The following TENM3 variants were observed in gnomAD, a reference collection of about 807,000 sequenced individuals.
TENM3 encodes teneurin-3.
Under a neutral mutation model 255.1 loss-of-function variants are expected in TENM3, and 63 were observed. The ratio of observed to expected loss-of-function variants is 0.25; its 90% confidence interval spans 0.20 to 0.30. TENM3 has a LOEUF of 0.30. Ranked by LOEUF, TENM3 falls within the 10% of genes least tolerant of loss-of-function variation. The pLI is 1.00. For missense variants in TENM3, 2,929 were observed against 3,461.1 expected (o/e 0.85, Z 3.86); for synonymous variants, 1,306 against 1,322.3 (o/e 0.99, Z 0.27).
chr4:182,390,981 A>C (rs1768386925), intron 3 of TENM3, among the ~76,000 whole-genome samples: 1 of 152,106 alleles, frequency 6.6e-6, no homozygotes, highest in South Asian at 2.1e-4. Flanking sequence ...CATTTAATAG[A>C]ATAGCTGTTA....
intron 2 of TENM3, among the ~76,000 whole-genome samples, chr4:182,337,094 C>A (rs1328368977): frequency 6.6e-6 from 1 of 152,030 alleles, no homozygotes; most frequent in African/African-American, 2.4e-5. Context: ...TAGAAAACCG[C>A]AGTAAAAAGC....
At chr4:182,093,883 A>G in the TENM3 span, among the ~76,000 whole-genome samples, 1 of 152,222 alleles carries the variant, frequency 6.6e-6, no homozygotes, top group Admixed American at 6.5e-5. Flanking sequence ...TTAAAATCAA[A>G]AAGGAAAAAT....
At chr4:181,755,076 T>C in the TENM3 span, among the ~76,000 whole-genome samples, 1 of 152,284 alleles carries the variant, frequency 6.6e-6, no homozygotes, top group Non-Finnish European at 1.5e-5. Context: ...ACCAGTTGCT[T>C]GGGCAATTTT....
the TENM3 span, among the ~76,000 whole-genome samples, chr4:181,475,891 T>G: frequency 1.6e-4 from 25 of 152,218 alleles, no homozygotes; most frequent in Non-Finnish European, 1.5e-5. Flanking sequence ...GTTCTCCTTT[T>G]CCTTGGCTCT....
chr4:182,503,452 G>A (rs1305181220), intron 3 of TENM3, among the ~76,000 whole-genome samples: 1 of 152,068 alleles, frequency 6.6e-6, no homozygotes, highest in Non-Finnish European at 1.5e-5. Context: ...ACATACTTCT[G>A]CTGCAGGGTC....
the TENM3 span, among the ~76,000 whole-genome samples, chr4:181,550,562 G>A: frequency 6.6e-6 from 1 of 152,102 alleles, no homozygotes; most frequent in African/African-American, 2.4e-5. Context: ...TGACACTGAT[G>A]CACTGATATA....
chr4:182,594,284 C>T (rs1746963143), intron 3 of TENM3, among the ~76,000 whole-genome samples: 2 of 152,260 alleles, frequency 1.3e-5, no homozygotes, highest in South Asian at 2.1e-4. Context: ...GGATTACAGG[C>T]GTGAACCACT....
chr4:181,542,997 A>G, the TENM3 span, among the ~76,000 whole-genome samples: 17 of 152,252 alleles, frequency 1.1e-4, no homozygotes, highest in Middle Eastern at 3.4e-3. Context: ...TTCTCTGTCT[A>G]TTCCAGCCAA....
intron 1 of TENM3, among the ~76,000 whole-genome samples, chr4:182,221,896 T>G (rs1755871887): frequency 6.6e-6 from 1 of 152,236 alleles, no homozygotes; most frequent in Non-Finnish European, 1.5e-5. Flanking sequence ...TTGACAGTTC[T>G]TTATGCTTTT....
In TENM3 at chr4:182,609,822, G is replaced by A. The variant is rs180986483; in HGVS notation, c.749+8661G>A. Among the ~76,000 whole-genome samples, 435 of 98,372 alleles carry A rather than the reference G, an allele frequency of 4.4e-3. 1 individual carries two copies. The highest frequency in any genetic ancestry group is 0.012 in the African/African-American group (421 of 35,768). 64.5% of individuals were successfully genotyped at this position (98,372 alleles called of 152,430 possible). ...GTAATACTTCACAACGACTTTATAA[G>A]GGTTCCTTAAGATGTCATGTGAAGT... On this transcript the variant is annotated intron_variant, in intron 4 of 27. Coordinates refer to ENST00000511685, the MANE Select transcript of TENM3 (RefSeq NM_001080477.4).
At chr4:181,822,453 A>G in the TENM3 span, among the ~76,000 whole-genome samples, 1 of 152,118 alleles carries the variant, frequency 6.6e-6, no homozygotes, top group Non-Finnish European at 1.5e-5. Flanking sequence ...TTATTTAAGG[A>G]GAGAGTGTTA....
chr4:182,444,948 C>A (rs1278550766), intron 3 of TENM3, among the ~76,000 whole-genome samples: 1 of 152,108 alleles, frequency 6.6e-6, no homozygotes, highest in Non-Finnish European at 1.5e-5. Flanking sequence ...GCTGGGATTA[C>A]AGGGGGATGC....
intron 1 of TENM3, among the ~76,000 whole-genome samples, chr4:182,279,011 G>A (rs939556485): frequency 2.0e-5 from 3 of 152,220 alleles, no homozygotes; most frequent in East Asian, 1.9e-4. Context: ...ACACCAGGTC[G>A]GGGCAGGGGC....
At chr4:181,574,345 C>A in the TENM3 span, among the ~76,000 whole-genome samples, 2 of 151,860 alleles carry the variant, frequency 1.3e-5, no homozygotes, top group South Asian at 4.2e-4. Flanking sequence ...TCCTGGCTAA[C>A]AAGGTGAAAC....
chr4:182,377,783 A>C (rs1276589476), intron 3 of TENM3, among the ~76,000 whole-genome samples: 1 of 152,170 alleles, frequency 6.6e-6, no homozygotes, highest in Non-Finnish European at 1.5e-5. Flanking sequence ...CATTATGGGA[A>C]AGCAAGAGAG....
At chr4:181,997,574 T>C in the TENM3 span, among the ~76,000 whole-genome samples, 1 of 144,256 alleles carries the variant, frequency 6.9e-6, no homozygotes, top group Non-Finnish European at 1.5e-5. Context: ...GGAAACTGAA[T>C]TGATGCATTT....
chr4:181,649,599 A>G, the TENM3 span, among the ~76,000 whole-genome samples: 1 of 152,192 alleles, frequency 6.6e-6, no homozygotes, highest in East Asian at 1.9e-4. Flanking sequence ...CATTATGGGA[A>G]CCCAAATGGA....
At position 182,376,394 on chromosome 4, in the gene TENM3, C is replaced by T. The variant is rs116258476; in HGVS notation, c.511+29465C>T. ...TCTGCTCCATCTTGTGACTAATTGT[C>T]GACAGTTACTCAGTGCCACCACATT... On this transcript the variant is annotated intron_variant, in intron 3 of 27. Transcript: ENST00000511685. Among the ~76,000 whole-genome samples the T allele has an allele frequency of 1.4e-3, 206 of 152,218 alleles. 2 individuals are homozygous for T. Among genetic ancestry groups the T allele is most frequent in the African/African-American group, 4.9e-3 (202 of 41,524 alleles).
chr4:181,884,897 A>G, the TENM3 span, among the ~76,000 whole-genome samples: 3 of 151,970 alleles, frequency 2.0e-5, no homozygotes, highest in South Asian at 2.1e-4. Flanking sequence ...ATTGCAAGCA[A>G]TTTTCCATAT....
Sources: allele counts gnomAD v4.1 joint callset (sites outside exome capture counted in the v4.1 genomes callset), GRCh38; gene constraint gnomAD v4.1.1; transcripts MANE v1.5; gene names NCBI Gene and HGNC (gene_info 2026-07-23, HGNC 2026-07-21).